Variants in IL1RAP observed in about 807,000 individuals in gnomAD.
The protein encoded by IL1RAP is interleukin-1 receptor accessory protein.
Under a neutral mutation model 60.7 loss-of-function variants are expected in IL1RAP, and 35 were observed. That is an observed-to-expected ratio of 0.58 (90% CI 0.44 to 0.76). The LOEUF is 0.76. Ranked by LOEUF, IL1RAP falls within the 30% of genes least tolerant of loss-of-function variation. The pLI is 0.00. For synonymous variants in IL1RAP, 268 were observed against 250.9 expected (o/e 1.07, Z -0.64); for missense variants, 572 against 693.9 (o/e 0.82, Z 1.97).
At chr3:190,626,664 CTTTTTTTTTTTTT>C (rs766018376) in intron 7 of IL1RAP, among the ~76,000 whole-genome samples, 1 of 99,992 alleles carries the variant, frequency 1.0e-5, no homozygotes. Context: ...TGTCAGAGAC[CTTTTTTTTTTTTT>C]TTTTTTTTTT....
intron 9 of IL1RAP, chr3:190,642,056 A>T (rs970442155): frequency 1.3e-5 from 2 of 152,344 alleles, no homozygotes; most frequent in East Asian, 3.9e-4. Context: ...AGGATAATAA[A>T]ATCAAAACTC....
intron 1 of IL1RAP, among the ~76,000 whole-genome samples, chr3:190,551,981 T>C (rs757273888): frequency 2.0e-5 from 3 of 152,200 alleles, no homozygotes; most frequent in African/African-American, 4.8e-5. Flanking sequence ...CTAAAGAAGA[T>C]TGAACATCAT....
chr3:190,650,530 A>T lies in IL1RAP; in HGVS notation c.*1825A>T, dbSNP rs1734330922. On this transcript the variant is annotated 3_prime_UTR_variant, in exon 12 of 12. Transcript: ENST00000447382. ...ATCCTGTGAAACAGAATAATTCGTA[A>T]TTTAAGAAAGCCCTTATCCCGGTAA... The T allele has an allele frequency of 2.0e-6, 2 of 979,598 alleles. No individual in the cohort carries two copies. Among genetic ancestry groups the T allele is most frequent in the South Asian group, 9.4e-5 (2 of 21,172 alleles). 60.7% of individuals were successfully genotyped at this position (979,598 alleles called of 1,614,324 possible).
intron 1 of IL1RAP, among the ~76,000 whole-genome samples, chr3:190,543,294 C>T (rs1449519852): frequency 6.6e-6 from 1 of 152,004 alleles, no homozygotes; most frequent in Non-Finnish European, 1.5e-5. Context: ...TAGTATTTTC[C>T]TGGATTGAGA....
At chr3:190,562,034 A>G (rs1464914680) in intron 2 of IL1RAP, among the ~76,000 whole-genome samples, 1 of 152,220 alleles carries the variant, frequency 6.6e-6, no homozygotes, top group Non-Finnish European at 1.5e-5. Context: ...AGGCTTTGCC[A>G]TATTATGATT....
At chr3:190,633,269 T>G (rs180695048) in intron 9 of IL1RAP, among the ~76,000 whole-genome samples, 31 of 152,360 alleles carry the variant, frequency 2.0e-4, no homozygotes, top group Admixed American at 1.2e-3. Flanking sequence ...TCAGCATTTT[T>G]TCTTTTAGAT....
Position 190,626,938 on chromosome 3 carries a change from G to T in IL1RAP, c.776-385G>T, listed in dbSNP as rs563712982. Among the ~76,000 whole-genome samples the T allele has an allele frequency of 4.6e-5, 7 of 152,184 alleles. No homozygotes were observed. The East Asian group carries it at 1.2e-3, about 25-fold the overall frequency. ...ACCTGCCTCGGCCTCCCAAAGTGCTGGGATTACAGGTGTGAGCCACTATGC... is the reference window on the plus strand; with the variant it reads ...ACCTGCCTCGGCCTCCCAAAGTGCTTGGATTACAGGTGTGAGCCACTATGC... On this transcript the variant is annotated intron_variant, in intron 7 of 11. Coordinates refer to ENST00000447382, the MANE Select transcript of IL1RAP (RefSeq NM_002182.4).
downstream of IL1RAP, among the ~76,000 whole-genome samples, chr3:190,652,071 A>G (rs751580482): frequency 9.2e-5 from 14 of 151,962 alleles, no homozygotes; most frequent in African/African-American, 3.4e-4. Flanking sequence ...CATTTCTGTT[A>G]CAAATTTTGA....
chr3:190,550,450 A>T, intron 1 of IL1RAP: 1 of 152,240 alleles, frequency 6.6e-6, no homozygotes, highest in East Asian at 1.9e-4. Context: ...TGCGGAATTG[A>T]GTCGTCCTCC....
intron 3 of IL1RAP, among the ~76,000 whole-genome samples, chr3:190,577,682 C>T (rs1727616274): frequency 6.6e-6 from 1 of 152,056 alleles, no homozygotes; most frequent in Non-Finnish European, 1.5e-5. Context: ...AGGGGCATGC[C>T]ACCAGGCTCA....
chr3:190,639,595 T>C lies in IL1RAP; in HGVS notation c.1052-4653T>C, dbSNP rs114248096. On this transcript the variant is annotated intron_variant, in intron 9 of 11. Transcript: ENST00000447382. ...TAATTCCACCACTTTTGTCAATTTT[T>C]GTTCTGTTTTGATTAGCTATCTTTT... Among the ~76,000 whole-genome samples the C allele has an allele frequency of 6.5e-3, 996 of 152,162 alleles. 10 individuals are homozygous for C. The highest frequency in any genetic ancestry group is 0.023 in the African/African-American group (949 of 41,440).
chr3:190,562,621 T>C (rs1725988488), intron 2 of IL1RAP, among the ~76,000 whole-genome samples: 1 of 151,838 alleles, frequency 6.6e-6, no homozygotes, highest in South Asian at 2.1e-4. Flanking sequence ...GATAAATCCT[T>C]GAGGGGACGG....
In IL1RAP at chr3:190,618,037, G is replaced by A. The variant is rs553913438; in HGVS notation, c.538-2238G>A. Among the ~76,000 whole-genome samples, 4 of 152,278 alleles carry A rather than the reference G, an allele frequency of 2.6e-5. No individual in the cohort carries two copies. The South Asian group carries it at 8.3e-4, about 32-fold the overall frequency. ...TCATCCTCAAAAGTGTGCTTCCTCAGTTTACCACTGATTGCAGGAATTAGC... is the reference window on the plus strand; with the variant it reads ...TCATCCTCAAAAGTGTGCTTCCTCAATTTACCACTGATTGCAGGAATTAGC... On this transcript the variant is annotated intron_variant, in intron 5 of 11. Coordinates refer to ENST00000447382, the MANE Select transcript of IL1RAP (RefSeq NM_002182.4).
At chr3:190,529,517 T>C (rs1393674796) in intron 1 of IL1RAP, among the ~76,000 whole-genome samples, 1 of 151,528 alleles carries the variant, frequency 6.6e-6, no homozygotes, top group African/African-American at 2.4e-5. Flanking sequence ...AAACCCCATC[T>C]CTACTAAAAA....
intron 1 of IL1RAP, among the ~76,000 whole-genome samples, chr3:190,527,628 T>C (rs1051254774): frequency 6.6e-6 from 1 of 152,108 alleles, no homozygotes; most frequent in African/African-American, 2.4e-5. Flanking sequence ...TGAGTTCTAT[T>C]TTGTGGATTA....
In IL1RAP at chr3:190,610,230, A is replaced by G. The variant is rs186989034; in HGVS notation, c.537+1049A>G. ...AAGACCAAGACACCATTGTTTTCAA[A>G]AGATATCTTGGTGAAGTTAGAAAAT... On this transcript the variant is annotated intron_variant, in intron 5 of 11. Coordinates refer to ENST00000447382, the MANE Select transcript of IL1RAP (RefSeq NM_002182.4). Among the ~76,000 whole-genome samples, 39 of 152,314 alleles carry G rather than the reference A, an allele frequency of 2.6e-4. No homozygotes were observed. The East Asian group carries it at 6.2e-3, about 24-fold the overall frequency.
chr3:190,535,974 C>A (rs978112439), intron 1 of IL1RAP, among the ~76,000 whole-genome samples: 4 of 152,136 alleles, frequency 2.6e-5, no homozygotes, highest in African/African-American at 9.7e-5. Flanking sequence ...CTTTCATGAA[C>A]AATTCAGGGC....
In IL1RAP at chr3:190,523,987, G is replaced by A. The variant is rs79321894; in HGVS notation, c.-89+9768G>A. On this transcript the variant is annotated intron_variant, in intron 1 of 11. Transcript: ENST00000447382. ...GAACTGATTTGTACTCCCAGCAACA[G>A]TGTATAGTGTTCCTTTTTCTCTGCA... is the stretch of plus-strand genomic sequence containing the variant. 7.1e-3 allele frequency among the ~76,000 whole-genome samples: 1,077 copies of A among 152,302 alleles called. 17 individuals carry two copies. The highest frequency in any genetic ancestry group is 0.022 in the African/African-American group (934 of 41,576).
chr3:190,635,798 G>A (rs1232957219), intron 9 of IL1RAP, among the ~76,000 whole-genome samples: 1 of 152,160 alleles, frequency 6.6e-6, no homozygotes, highest in Non-Finnish European at 1.5e-5. Flanking sequence ...AAGTCTGGGA[G>A]CAGGTATCTC....
Sources: allele counts gnomAD v4.1 joint callset (sites outside exome capture counted in the v4.1 genomes callset), GRCh38; gene constraint gnomAD v4.1.1; transcripts MANE v1.5; gene names NCBI Gene and HGNC (gene_info 2026-07-23, HGNC 2026-07-21).